The following CTNNA3 variants were observed in gnomAD, a reference collection of about 807,000 sequenced individuals.
CTNNA3 encodes the protein catenin alpha 3.
Under a neutral mutation model 95.7 loss-of-function variants are expected in CTNNA3, and 76 were observed. The observed-to-expected ratio is 0.79, with a 90% CI of 0.66 to 0.96. The LOEUF (loss-of-function observed/expected upper bound fraction) is 0.96, where lower values mean the gene tolerates loss of function less well. CTNNA3 is among the 40% of genes least tolerant of loss of function. The pLI is 0.00. For missense variants in CTNNA3, 1,191 were observed against 1,089.8 expected (o/e 1.09, Z -1.31); for synonymous variants, 431 against 374.4 (o/e 1.15, Z -1.74).
chr10:67,097,043 C>T (rs1253119877), intron 7 of CTNNA3, among the ~76,000 whole-genome samples: 1 of 151,650 alleles, frequency 6.6e-6, no homozygotes, highest in East Asian at 1.9e-4. Context: ...ATTAATAGTC[C>T]AGCATCATAT....
At chr10:67,091,497 A>G (rs1857636782) in intron 7 of CTNNA3, among the ~76,000 whole-genome samples, 1 of 152,002 alleles carries the variant, frequency 6.6e-6, no homozygotes, top group South Asian at 2.1e-4. Context: ...CCCCCCAAAA[A>G]AAGGAAAACA....
intron 13 of CTNNA3, among the ~76,000 whole-genome samples, chr10:66,126,757 G>A (rs1010533198): frequency 1.3e-5 from 2 of 152,146 alleles, no homozygotes; most frequent in South Asian, 4.1e-4. Flanking sequence ...CTAACCCAAT[G>A]TATAAACTAA....
intron 13 of CTNNA3, among the ~76,000 whole-genome samples, chr10:66,167,869 C>G (rs576982299): frequency 6.6e-6 from 1 of 152,268 alleles, no homozygotes; most frequent in African/African-American, 2.4e-5. Flanking sequence ...CCACCAGAGG[C>G]ATCAAGTGTG....
intron 16 of CTNNA3, among the ~76,000 whole-genome samples, chr10:65,971,896 T>C (rs1217025812): frequency 2.0e-5 from 3 of 152,048 alleles, no homozygotes; most frequent in Admixed American, 2.0e-4. Context: ...TAAACATAGA[T>C]GCAAAAATCC....
chr10:66,546,104 A>AGTTTTCATGATAAAAACAGGTCCT (rs1842027880), intron 10 of CTNNA3, among the ~76,000 whole-genome samples: 2 of 151,894 alleles, frequency 1.3e-5, no homozygotes. Context: ...TTCATGCAGT[A>AGTTTTCATGATAAAAACAGGTCCT]TAATTATCTC....
At chr10:66,124,303 G>A (rs12416238) in intron 13 of CTNNA3, among the ~76,000 whole-genome samples, 1,751 of 152,258 alleles carry the variant, frequency 0.012, 64 homozygotes, top group East Asian at 0.081. Context: ...AACATAACAA[G>A]AGTCACCTTT....
chr10:67,160,235 T>A (rs1861476941), intron 7 of CTNNA3, among the ~76,000 whole-genome samples: 1 of 151,930 alleles, frequency 6.6e-6, no homozygotes, highest in African/African-American at 2.4e-5. Context: ...TTGAGGAGGA[T>A]GTGAAGGAAA....
chr10:66,637,257 C>T (rs1330775040), intron 9 of CTNNA3, among the ~76,000 whole-genome samples: 1 of 152,138 alleles, frequency 6.6e-6, no homozygotes, highest in African/African-American at 2.4e-5. Context: ...TTATTTCTAT[C>T]CTTATTACAA....
intron 7 of CTNNA3, among the ~76,000 whole-genome samples, chr10:66,918,292 T>C (rs975453255): frequency 2.6e-5 from 4 of 152,220 alleles, no homozygotes; most frequent in Non-Finnish European, 5.9e-5. Flanking sequence ...ATATGAATGT[T>C]AACCAATAAA....
In CTNNA3 at chr10:65,949,395, C is replaced by A. The variant is rs572134068; in HGVS notation, c.2400+17217G>T. On this transcript the variant is annotated intron_variant, in intron 17 of 17. Coordinates refer to ENST00000433211, the MANE Select transcript of CTNNA3 (RefSeq NM_013266.4). ...GGATAGAGAATATATATAAATGTGT[C>A]AATAAGAGTATTCACCAAATCAGCA... is the stretch of plus-strand genomic sequence containing the variant. 4.6e-5 allele frequency among the ~76,000 whole-genome samples: 7 copies of A among 152,202 alleles called. No individual in the cohort carries two copies. The South Asian group carries it at 1.5e-3, about 32-fold the overall frequency.
chr10:67,651,564 ACT>A (rs1839879087), intron 1 of CTNNA3, among the ~76,000 whole-genome samples: 1 of 152,220 alleles, frequency 6.6e-6, no homozygotes, highest in Admixed American at 6.5e-5. Context: ...TAATTTTGAT[ACT>A]GTTACAAATC....
intron 4 of CTNNA3, among the ~76,000 whole-genome samples, chr10:67,523,226 G>T (rs1215894864): frequency 6.6e-6 from 1 of 152,146 alleles, no homozygotes; most frequent in Non-Finnish European, 1.5e-5. Flanking sequence ...TAATCATTTA[G>T]AACCTACTAT....
chr10:67,215,944 C>T (rs553013745), intron 6 of CTNNA3, among the ~76,000 whole-genome samples: 206 of 152,216 alleles, frequency 1.4e-3, no homozygotes, highest in Non-Finnish European at 2.2e-3. Context: ...CTTTTTGTAT[C>T]AGCCTCAAAT....
rs538153090 is a variant in CTNNA3, at chr10:67,659,100, G to C, written c.-5-11582C>G. 2.0e-5 allele frequency among the ~76,000 whole-genome samples: 3 copies of C among 149,720 alleles called. No individual in the cohort carries two copies. The South Asian group carries it at 6.3e-4, about 32-fold the overall frequency. ...CACACATACAACCAAAATGAAAGCAGCAAAAAAGGTAAAAAAAAAAATTAC... is the reference window on the plus strand; with the variant it reads ...CACACATACAACCAAAATGAAAGCACCAAAAAAGGTAAAAAAAAAAATTAC... On this transcript the variant is annotated intron_variant, in intron 1 of 17. Coordinates refer to ENST00000433211, the MANE Select transcript of CTNNA3 (RefSeq NM_013266.4).
intron 1 of CTNNA3, among the ~76,000 whole-genome samples, chr10:67,681,055 A>T (rs1031421120): frequency 1.3e-5 from 2 of 152,240 alleles, no homozygotes; most frequent in African/African-American, 4.8e-5. Context: ...AACTCTACTG[A>T]GGGTTGTAAA....
At chr10:67,315,593 A>G (rs1841011320) in intron 5 of CTNNA3, among the ~76,000 whole-genome samples, 2 of 152,144 alleles carry the variant, frequency 1.3e-5, no homozygotes, top group African/African-American at 2.4e-5. Context: ...AGACCACAAA[A>G]TCTAACCATT....
At chr10:66,195,277 C>T (rs757727737) in intron 13 of CTNNA3, among the ~76,000 whole-genome samples, 23 of 151,968 alleles carry the variant, frequency 1.5e-4, no homozygotes, top group Non-Finnish European at 3.2e-4. Flanking sequence ...TTCATTGAGA[C>T]TTTCTCATCA....
At chr10:66,807,997 T>A (rs1841722584) in intron 7 of CTNNA3, among the ~76,000 whole-genome samples, 1 of 152,102 alleles carries the variant, frequency 6.6e-6, no homozygotes, top group Non-Finnish European at 1.5e-5. Flanking sequence ...TTTAGTTATT[T>A]TATTGTATTT....
intron 5 of CTNNA3, among the ~76,000 whole-genome samples, chr10:67,365,943 A>G (rs1177808289): frequency 1.3e-5 from 2 of 152,234 alleles, no homozygotes; most frequent in Non-Finnish European, 2.9e-5. Flanking sequence ...TTATTGCGGC[A>G]CTATTCACAA....
Sources: gnomAD v4.1 joint callset for allele counts (sites outside exome capture counted in the v4.1 genomes callset) on GRCh38, gnomAD v4.1.1 for gene constraint, MANE v1.5 for transcripts, NCBI Gene and HGNC (gene_info 2026-07-23, HGNC 2026-07-21) for gene names.